Variants in BCL9 observed in about 807,000 individuals in gnomAD.
BCL9 encodes the protein BCL9 transcription coactivator, also known as B-cell CLL/lymphoma 9 protein.
In BCL9, 25 loss-of-function variants were observed where a neutral mutation model predicts 88.5. That is an observed-to-expected ratio of 0.28 (90% CI 0.21 to 0.39). BCL9 has a LOEUF of 0.39. Among genes scored for constraint, BCL9 ranks in the 10% least tolerant of loss-of-function variants. The pLI, the probability that BCL9 is intolerant of heterozygous loss-of-function variation, is 1.00. For synonymous variants in BCL9, 711 were observed against 673.3 expected (o/e 1.06, Z -0.87); for missense variants, 1,817 against 1,877.8 (o/e 0.97, Z 0.60).
intron 3 of BCL9, among the ~76,000 whole-genome samples, chr1:147,607,816 C>T (rs1460700546): frequency 1.3e-5 from 2 of 152,020 alleles, no homozygotes; most frequent in Non-Finnish European, 2.9e-5. Flanking sequence ...TTGAAGAATT[C>T]ATGTTTGATC....
chr1:147,570,287 A>G (rs1389669399), intron 1 of BCL9, among the ~76,000 whole-genome samples: 1 of 152,170 alleles, frequency 6.6e-6, no homozygotes, highest in African/African-American at 2.4e-5. Flanking sequence ...AGGTGGAAGA[A>G]ATAGCTAAGG....
intron 1 of BCL9, among the ~76,000 whole-genome samples, chr1:147,599,470 C>G (rs1206966225): frequency 1.4e-5 from 2 of 146,824 alleles, no homozygotes; most frequent in Non-Finnish European, 2.9e-5. Flanking sequence ...TGCCCTTCCC[C>G]CTCCGCGCCT....
chr1:147,570,630 C>CTTTTCTTTTTTTTTTTTTT (rs1357272075), intron 1 of BCL9, among the ~76,000 whole-genome samples: 2 of 15,178 alleles, frequency 1.3e-4, no homozygotes, highest in Non-Finnish European at 1.2e-4. Flanking sequence ...GACTGATTTT[C>CTTTTCTTTTTTTTTTTTTT]TTTTTTTTCT....
At chr1:147,544,044 T>C (rs1055423338) in intron 1 of BCL9, among the ~76,000 whole-genome samples, 14 of 152,174 alleles carry the variant, frequency 9.2e-5, no homozygotes, top group African/African-American at 3.4e-4. Flanking sequence ...AACTTATATT[T>C]TGGGGCTCTT....
intron 1 of BCL9, among the ~76,000 whole-genome samples, chr1:147,566,596 A>C (rs1461845980): frequency 2.0e-5 from 3 of 151,770 alleles, no homozygotes; most frequent in African/African-American, 7.3e-5. Context: ...CTCTACTAAA[A>C]ATACAAAAAA....
Position 147,624,212 on chromosome 1 carries a change from C to A in BCL9, c.3534C>A (p.Gly1178=). 6.2e-7 allele frequency: 1 copy of A among 1,610,872 alleles called. No homozygotes were observed. The highest frequency in any genetic ancestry group is 8.5e-7 in the Non-Finnish European group (1 of 1,177,534). Residue 1178 remains glycine, a synonymous_variant, in exon 10 of 10, where the codon GGC becomes GGA. Transcript: ENST00000234739. The surrounding 1 kb of genome is among the most constrained non-coding windows in gnomAD (Gnocchi z 4.4). ...GMGFPGEGPL[G]RPSNLPQSSA... is the part of the protein sequence containing the mutation. The stretch of plus-strand genomic sequence containing the variant: ...GTTTCCCAGGAGAAGGCCCCCTTGG[C>A]CGCCCCAGCAACCTGCCCCAAAGTT...
At chr1:147,544,063 A>G (rs1362926163) in intron 1 of BCL9, among the ~76,000 whole-genome samples, 1 of 152,208 alleles carries the variant, frequency 6.6e-6, no homozygotes, top group Admixed American at 6.5e-5. Flanking sequence ...TTTACTCTGC[A>G]GCAGGCAAAT....
rs587627316 is a variant in BCL9 at position 147,602,865 on chromosome 1, A to G, written c.-477-1912A>G. The stretch of plus-strand genomic sequence containing the variant: ...ATTATAATAAACTAAATATTTGTTC[A>G]TGGTGACTTGGTACAGTAGTTAGAG... On this transcript the variant is annotated intron_variant, in intron 1 of 9. Coordinates refer to ENST00000234739, the MANE Select transcript of BCL9 (RefSeq NM_004326.4). Among the ~76,000 whole-genome samples the G allele has an allele frequency of 9.8e-5, 15 of 152,340 alleles. No homozygotes were observed. In the East Asian group the frequency reaches 2.9e-3, roughly 29 times the overall value.
intron 2 of BCL9, among the ~76,000 whole-genome samples, chr1:147,605,990 C>T (rs1264024845): frequency 6.6e-6 from 1 of 152,196 alleles, no homozygotes; most frequent in Non-Finnish European, 1.5e-5. Flanking sequence ...AATTTAACAA[C>T]TTAATGGCAT....
chr1:147,588,513 CA>C (rs1656715013), intron 1 of BCL9, among the ~76,000 whole-genome samples: 1 of 152,114 alleles, frequency 6.6e-6, no homozygotes, highest in African/African-American at 2.4e-5. Context: ...GCCAAGGCAT[CA>C]AGATGTCAGA....
In BCL9 at chr1:147,618,883, A is replaced by G. The variant is rs781830328; in HGVS notation, c.728A>G (p.Asn243Ser). 1.9e-6 allele frequency: 3 copies of G among 1,611,074 alleles called. No homozygotes were observed. The highest frequency in any genetic ancestry group is 2.2e-5 in the East Asian group (1 of 44,870). ...PLPQQPPAPA[N>S]QDQNSSQNTR... ...CCACAACAGCCCCCAGCTCCGGCCA[A>G]CCAGGACCAGAATTCTTCCCAGAAT... The change falls in exon 8 of 10, where the codon AAC becomes AGC. Residue 243 changes from asparagine to serine, a missense_variant. This residue lies in a region of BCL9 where 1,228 missense variants were observed against 1,191.6 expected (regional missense o/e 1.03). Transcript: ENST00000234739.
At chr1:147,596,568 C>T (rs2101581242) in intron 1 of BCL9, among the ~76,000 whole-genome samples, 1 of 76,982 alleles carries the variant, frequency 1.3e-5, no homozygotes, top group East Asian at 3.9e-4. Context: ...CGCCGGCCAC[C>T]ACACCCTGCT....
intron 1 of BCL9, among the ~76,000 whole-genome samples, chr1:147,557,491 A>G (rs1655166355): frequency 6.6e-6 from 1 of 152,210 alleles, no homozygotes; most frequent in African/African-American, 2.4e-5. Flanking sequence ...TTGACAAGAC[A>G]TCTGTGGTAA....
intron 1 of BCL9, among the ~76,000 whole-genome samples, chr1:147,591,254 T>A (rs1553199872): frequency 6.6e-6 from 1 of 152,226 alleles, no homozygotes; most frequent in African/African-American, 2.4e-5. Flanking sequence ...GTATTCTTCT[T>A]ATATACTTTA....
At chr1:147,547,799 A>G (rs1462330034) in intron 1 of BCL9, among the ~76,000 whole-genome samples, 1 of 152,218 alleles carries the variant, frequency 6.6e-6, no homozygotes, top group Non-Finnish European at 1.5e-5. Context: ...GACTTTTAGA[A>G]CCTAAGAATG....
chr1:147,567,897 G>A (rs1234309761), intron 1 of BCL9, among the ~76,000 whole-genome samples: 1 of 152,066 alleles, frequency 6.6e-6, no homozygotes, highest in Non-Finnish European at 1.5e-5. Flanking sequence ...TCTATTGCTG[G>A]CGATCTATTT....
intron 1 of BCL9, among the ~76,000 whole-genome samples, chr1:147,586,205 A>G (rs1400868430): frequency 6.6e-6 from 1 of 151,522 alleles, no homozygotes; most frequent in African/African-American, 2.4e-5. Context: ...CAGCCTTTCC[A>G]CCCACTTCAG....
chr1:147,611,352 G>C (rs782461795), intron 3 of BCL9, among the ~76,000 whole-genome samples: 12 of 152,140 alleles, frequency 7.9e-5, no homozygotes, highest in Non-Finnish European at 1.5e-4. Flanking sequence ...TGCTGCTTGC[G>C]GGGGAGGCTT....
rs782783541 is a variant in BCL9 at position 147,624,886 on chromosome 1, G to A, written c.4208G>A (p.Arg1403Gln). 7.4e-6 allele frequency: 12 copies of A among 1,614,146 alleles called. No individual in the cohort carries two copies. The highest frequency in any genetic ancestry group is 2.7e-5 in the African/African-American group (2 of 75,048). The change falls in exon 10 of 10, where the codon CGG becomes CAG. Residue 1403 changes from arginine to glutamine, a missense_variant. Physicochemically the swap from Arg to Gln is conservative, Grantham distance 43. This residue lies in a region of BCL9 where 589 missense variants were observed against 686.2 expected (regional missense o/e 0.86). Transcript: ENST00000234739. The surrounding 1 kb of genome is among the most constrained non-coding windows in gnomAD (Gnocchi z 4.4). ...NIMIPPQMRP[R>Q]GMAADVGMGG... ...ATGATCCCCCCACAGATGAGGCCCC[G>A]GGGCATGGCTGCTGACGTGGGCATG...
Sources: allele counts gnomAD v4.1 joint callset (sites outside exome capture counted in the v4.1 genomes callset), GRCh38; gene constraint gnomAD v4.1.1; regional missense constraint gnomAD v4.1.1; non-coding constraint Gnocchi (gnomAD v3.1); transcripts MANE v1.5; gene names NCBI Gene and HGNC (gene_info 2026-07-23, HGNC 2026-07-21).